The following CTNNA2 variants were observed in gnomAD, a reference collection of about 807,000 sequenced individuals.
CTNNA2 encodes the protein catenin alpha 2.
Under a neutral mutation model 101.0 loss-of-function variants are expected in CTNNA2, and 42 were observed. The observed-to-expected ratio is 0.42, with a 90% CI of 0.32 to 0.54. CTNNA2 has a LOEUF of 0.54. Ranked by LOEUF, CTNNA2 falls within the 20% of genes least tolerant of loss-of-function variation. CTNNA2 has a pLI of 0.14. For synonymous variants in CTNNA2, 450 were observed against 456.4 expected (o/e 0.99, Z 0.18); for missense variants, 871 against 1,223.1 (o/e 0.71, Z 4.29).
At chr2:79,599,150 A>C (rs1677389972) in intron 1 of CTNNA2, among the ~76,000 whole-genome samples, 1 of 152,038 alleles carries the variant, frequency 6.6e-6, no homozygotes, top group Admixed American at 6.5e-5. Context: ...GTCCTGTTCT[A>C]TTCATCTATT....
intron 7 of CTNNA2, among the ~76,000 whole-genome samples, chr2:80,387,238 G>C (rs545528371): frequency 6.6e-6 from 1 of 152,100 alleles, no homozygotes; most frequent in South Asian, 2.1e-4. Flanking sequence ...GCAGTGAGCC[G>C]AGATTGTGCC....
intron 7 of CTNNA2, among the ~76,000 whole-genome samples, chr2:79,950,514 G>A (rs1307851897): frequency 6.6e-6 from 1 of 152,188 alleles, no homozygotes; most frequent in Admixed American, 6.5e-5. Context: ...TTTACGGCAG[G>A]CCTTACCTAA....
At chr2:79,630,320 G>T (rs1237098541) in intron 1 of CTNNA2, among the ~76,000 whole-genome samples, 3 of 152,176 alleles carry the variant, frequency 2.0e-5, no homozygotes, top group Non-Finnish European at 2.9e-5. Flanking sequence ...TGACGTCTTT[G>T]TGTTGTTACT....
intron 7 of CTNNA2, among the ~76,000 whole-genome samples, chr2:80,187,942 G>C (rs990199997): frequency 6.6e-6 from 1 of 151,916 alleles, no homozygotes; most frequent in Non-Finnish European, 1.5e-5. Flanking sequence ...GTATAGGTTA[G>C]ACAGAGTATG....
chr2:79,351,848 G>A (rs1257063514), intron 3 of CTNNA2, among the ~76,000 whole-genome samples: 1 of 152,086 alleles, frequency 6.6e-6, no homozygotes, highest in Non-Finnish European at 1.5e-5. Flanking sequence ...GATGAACATC[G>A]TATTTGATTC....
At chr2:80,542,254 T>TAA (rs1476704498) in intron 9 of CTNNA2, among the ~76,000 whole-genome samples, 8 of 103,916 alleles carry the variant, frequency 7.7e-5, no homozygotes, top group Admixed American at 7.1e-4. Flanking sequence ...TATTTATGTG[T>TAA]ATATATATAT....
chr2:79,931,200 C>T (rs1687416761), intron 7 of CTNNA2, among the ~76,000 whole-genome samples: 1 of 152,066 alleles, frequency 6.6e-6, no homozygotes, highest in Admixed American at 6.5e-5. Context: ...GGTTAAAAGA[C>T]CTTGTATGTT....
intron 3 of CTNNA2, among the ~76,000 whole-genome samples, chr2:79,365,141 G>A (rs984340633): frequency 3.0e-4 from 45 of 152,204 alleles, no homozygotes; most frequent in South Asian, 6.2e-4. Flanking sequence ...GCTGAGCATG[G>A]TGGCGGGTGC....
At chr2:80,023,854 G>A (rs1313709292) in intron 7 of CTNNA2, among the ~76,000 whole-genome samples, 2 of 152,096 alleles carry the variant, frequency 1.3e-5, no homozygotes, top group African/African-American at 4.8e-5. Context: ...TTGGGAGGCC[G>A]AGGCGGGCGG....
intron 7 of CTNNA2, among the ~76,000 whole-genome samples, chr2:80,370,787 A>G (rs1349012262): frequency 6.6e-6 from 1 of 152,218 alleles, no homozygotes; most frequent in Non-Finnish European, 1.5e-5. Context: ...ACTCATCACT[A>G]GGTTCATGGC....
intron 15 of CTNNA2, 139 bp from the exon 16 acceptor site, chr2:80,603,935 A>C: frequency 1.7e-6 from 1 of 596,026 alleles, no homozygotes; most frequent in Non-Finnish European, 2.9e-6. Flanking sequence ...GGAGTTAAGC[A>C]GGAAAATATT....
chr2:79,398,778 C>T (rs1322168310), intron 4 of CTNNA2, among the ~76,000 whole-genome samples: 1 of 151,514 alleles, frequency 6.6e-6, no homozygotes, highest in Admixed American at 6.6e-5. Flanking sequence ...AAAAAAAAAC[C>T]TGTCAAAATC....
At chr2:80,539,325 TTGTTG>T (rs1558564531) in intron 9 of CTNNA2, among the ~76,000 whole-genome samples, 3 of 36,698 alleles carry the variant, frequency 8.2e-5, no homozygotes, top group African/African-American at 4.7e-4. Flanking sequence ...TTTTTTTTTG[TTGTTG>T]TTGTTGTTGT....
At chr2:80,308,204 A>G (rs1017058828) in intron 7 of CTNNA2, among the ~76,000 whole-genome samples, 9 of 152,124 alleles carry the variant, frequency 5.9e-5, no homozygotes, top group Admixed American at 5.2e-4. Context: ...AACACTTCCA[A>G]TTTGTTCATT....
At chr2:80,490,514 C>G (rs923198271) in intron 9 of CTNNA2, among the ~76,000 whole-genome samples, 1 of 151,864 alleles carries the variant, frequency 6.6e-6, no homozygotes, top group East Asian at 1.9e-4. Context: ...TTTTTTTTAA[C>G]TATTCAAAAA....
intron 1 of CTNNA2, among the ~76,000 whole-genome samples, chr2:79,582,843 A>G (rs988803881): frequency 6.6e-6 from 1 of 152,134 alleles, no homozygotes. Context: ...TGTAACCACT[A>G]TCATAATGAG....
At chr2:79,690,616 T>C (rs1684226503) in intron 2 of CTNNA2, among the ~76,000 whole-genome samples, 1 of 151,958 alleles carries the variant, frequency 6.6e-6, no homozygotes, top group South Asian at 2.1e-4. Context: ...CATGTGTCTT[T>C]ATAGTAGATC....
At chr2:79,477,695 C>T (rs1671065722) in intron 4 of CTNNA2, among the ~76,000 whole-genome samples, 2 of 152,322 alleles carry the variant, frequency 1.3e-5, no homozygotes, top group South Asian at 4.1e-4. Context: ...TGTAAGCTTA[C>T]AACCCCTTCT....
Position 80,337,850 on chromosome 2 carries a change from G to A in CTNNA2, c.1057-55361G>A, listed in dbSNP as rs531150713. 1.1e-4 allele frequency among the ~76,000 whole-genome samples: 17 copies of A among 152,308 alleles called. No homozygotes were observed. In the South Asian group the frequency reaches 3.3e-3, roughly 30 times the overall value. On this transcript the variant is annotated intron_variant, in intron 7 of 18. Coordinates refer to ENST00000402739, the MANE Select transcript of CTNNA2 (RefSeq NM_001282597.3). ...GACTTGCTGCAGCCCCTTATAGTAAGCGAATTGACCCCACCATGGGAAGTG... is the reference window on the plus strand; with the variant it reads ...GACTTGCTGCAGCCCCTTATAGTAAACGAATTGACCCCACCATGGGAAGTG...
Sources: gnomAD v4.1 joint callset for allele counts (sites outside exome capture counted in the v4.1 genomes callset) on GRCh38, gnomAD v4.1.1 for gene constraint, MANE v1.5 for transcripts, NCBI Gene and HGNC (gene_info 2026-07-23, HGNC 2026-07-21) for gene names.